Variants in XKR5 observed in about 807,000 individuals in gnomAD.
XKR5 encodes XK-related protein 5.
A neutral mutation model predicts 40.8 loss-of-function variants in XKR5; 46 were observed. That is an observed-to-expected ratio of 1.13 (90% CI 0.89 to 1.44). The LOEUF (loss-of-function observed/expected upper bound fraction) is 1.44. Among genes scored for constraint, XKR5 ranks in the 40% most tolerant of loss-of-function variants. The probability of loss-of-function intolerance (pLI) is 0.00; values close to 1 mark genes in which losing one functional copy is unlikely to be tolerated. For synonymous variants in XKR5, 466 were observed against 356.1 expected (o/e 1.31, Z -3.48); for missense variants, 1,169 against 844.7 (o/e 1.38, Z -4.76).
chr8:6,819,314 A>T (rs980120542), intron 5 of XKR5, among the ~76,000 whole-genome samples: 3 of 152,202 alleles, frequency 2.0e-5, no homozygotes, highest in Non-Finnish European at 4.4e-5. Flanking sequence ...CGCAGAAGGT[A>T]ATGCTTTCGG....
chr8:6,818,115 A>G (rs1554526054), intron 5 of XKR5, among the ~76,000 whole-genome samples: 1 of 152,160 alleles, frequency 6.6e-6, no homozygotes, highest in Non-Finnish European at 1.5e-5. Flanking sequence ...CACTCAGTGC[A>G]ATCTGTTTTC....
At chr8:6,833,051 C>A (rs557660697) in intron 1 of XKR5, among the ~76,000 whole-genome samples, 151 bp from the exon 2 acceptor site, 19 of 152,284 alleles carry the variant, frequency 1.2e-4, no homozygotes, top group African/African-American at 4.6e-4. Flanking sequence ...CCTCCCAAGG[C>A]TAGCAATTAT....
In XKR5 at chr8:6,812,312, C is replaced by T. The variant is rs753881093; in HGVS notation, c.947G>A (p.Ser316Asn). 2 of 1,551,198 alleles carry T rather than the reference C, an allele frequency of 1.3e-6. No individual in the cohort carries two copies. Among genetic ancestry groups the T allele is most frequent in the Non-Finnish European group, 1.7e-6 (2 of 1,146,656 alleles). Reference sequence around the variant, plus strand: ...GTCTGTGGATTTTGGATGCAGCAGGCTGTAATAAATTACCAGTGAGACACT... The same window carrying T: ...GTCTGTGGATTTTGGATGCAGCAGGTTGTAATAAATTACCAGTGAGACACT... ...IGSVSLVIYY[S>N]LLHPKSTDIW... is the part of the protein sequence containing the mutation. Residue 316 changes from serine to asparagine, a missense_variant, in exon 7 of 7, where the codon AGC becomes AAC. Transcript: ENST00000618742.
At chr8:6,814,753 A>G (rs17078209) in intron 6 of XKR5, among the ~76,000 whole-genome samples, 6,609 of 152,270 alleles carry the variant, frequency 0.043, 481 homozygotes, top group African/African-American at 0.15. Flanking sequence ...CATGAAGAAG[A>G]ACAGAGCTGA....
chr8:6,821,848 A>G (rs1804243816), intron 5 of XKR5, 21 bp downstream of exon 5: 1 of 1,609,278 alleles, frequency 6.2e-7, no homozygotes, highest in Non-Finnish European at 8.5e-7. Flanking sequence ...AAAAGTTAGG[A>G]TAAAGAAAAG....
At chr8:6,832,457 T>C (rs1345719820) in intron 2 of XKR5, among the ~76,000 whole-genome samples, 1 of 152,146 alleles carries the variant, frequency 6.6e-6, no homozygotes, top group Admixed American at 6.5e-5. Flanking sequence ...AAGACAGGGC[T>C]TCATCTGAAG....
chr8:6,811,070 G>T lies in XKR5; in HGVS notation c.*128C>A. 2 of 964,088 alleles carry T rather than the reference G, an allele frequency of 2.1e-6. No homozygotes were observed. Among genetic ancestry groups the T allele is most frequent in the Non-Finnish European group, 3.0e-6 (2 of 671,234 alleles). The allele number at this position is 964,088 out of a possible 1,614,324, so 59.7% of individuals were successfully genotyped here. On this transcript the variant is annotated 3_prime_UTR_variant, in exon 7 of 7. Coordinates refer to ENST00000618742, the MANE Select transcript of XKR5 (RefSeq NM_207411.5). ...TGTTTCTTCATTTTTCAGGGATGCA[G>T]ATGGAGATTCAGAGGTGACAGTGAT...
Position 6,823,680 on chromosome 8 carries a change from A to G in XKR5, c.478T>C (p.Tyr160His). ...TTCATGAAGCCCATGAAGCGAGTGT[A>G]GGACACCAGTGCCCAGGAGAGTGAG... is the stretch of plus-strand genomic sequence containing the variant. ...WSSLSWALVS[Y>H]TRFMGFMKPG... Residue 160 changes from tyrosine to histidine, a missense_variant, in exon 4 of 7, where the codon TAC becomes CAC. Tyr to His is a moderately conservative substitution (Grantham distance 83). Transcript: ENST00000618742. 6.3e-7 allele frequency: 1 copy of G among 1,591,454 alleles called. No individual in the cohort carries two copies. The highest frequency in any genetic ancestry group is 8.6e-7 in the Non-Finnish European group (1 of 1,168,986).
At chr8:6,813,147 C>T (rs1229966544) in intron 6 of XKR5, among the ~76,000 whole-genome samples, 1 of 152,182 alleles carries the variant, frequency 6.6e-6, no homozygotes, top group Non-Finnish European at 1.5e-5. Flanking sequence ...AGGACATCCC[C>T]AGCCCCAAAT....
chr8:6,817,079 A>G (rs1433662641), intron 5 of XKR5, among the ~76,000 whole-genome samples: 1 of 151,098 alleles, frequency 6.6e-6, no homozygotes, highest in African/African-American at 2.4e-5. Context: ...GTTTGTCCCA[A>G]CTCCGTCACC....
At position 6,815,671 on chromosome 8, in the gene XKR5, C is replaced by A. The variant is rs1281153082; in HGVS notation, c.919+136G>T. ...CTCTGATGGGCATGGCTCTGCCCCC[C>A]ACATCGCAGTGAGCCTGGTTCCTTG... On this transcript the variant is annotated intron_variant, in intron 6 of 6. Coordinates refer to ENST00000618742, the MANE Select transcript of XKR5 (RefSeq NM_207411.5). The A allele has an allele frequency of 8.0e-6, 5 of 621,942 alleles. No individual in the cohort carries two copies. In the East Asian group the frequency reaches 8.6e-5, roughly 11 times the overall value. 38.5% of individuals were successfully genotyped at this position (621,942 alleles called of 1,614,324 possible). A position where few individuals can be genotyped will look rare whatever the true frequency, so the allele number is the denominator to read the frequency against.
At chr8:6,817,046 G>A (rs1803990617) in intron 5 of XKR5, among the ~76,000 whole-genome samples, 1 of 152,124 alleles carries the variant, frequency 6.6e-6, no homozygotes, top group African/African-American at 2.4e-5. Context: ...CAGCTGTGTG[G>A]TTCTGGTGGT....
chr8:6,827,687 G>A (rs1048756632), intron 2 of XKR5, among the ~76,000 whole-genome samples: 4 of 152,188 alleles, frequency 2.6e-5, no homozygotes, highest in East Asian at 3.8e-4. Context: ...CAAATCATTT[G>A]TTCCTGACAT....
intron 2 of XKR5, among the ~76,000 whole-genome samples, chr8:6,826,939 T>C (rs559131225): frequency 1.8e-4 from 28 of 152,250 alleles, no homozygotes; most frequent in Admixed American, 1.2e-3. Context: ...TCCGAGGCTC[T>C]CGGAAAAGGA....
chr8:6,811,661 C>T lies in XKR5; in HGVS notation c.1598G>A (p.Gly533Glu), dbSNP rs2117074456. The T allele has an allele frequency of 7.2e-6, 11 of 1,537,708 alleles. No homozygotes were observed. Among genetic ancestry groups the T allele is most frequent in the Non-Finnish European group, 9.6e-6 (11 of 1,147,032 alleles). The change falls in exon 7 of 7, where the codon GGA becomes GAA. Residue 533 changes from glycine to glutamate, a missense_variant. Physicochemically the swap from Gly to Glu is moderately conservative, Grantham distance 98 (BLOSUM62 -2). Coordinates refer to ENST00000618742, the MANE Select transcript of XKR5 (RefSeq NM_207411.5). ...QGKGTGGQQR[G>E]GEGQQSSTLY... Reference sequence around the variant, plus strand: ...CGTGGAACTCTGCTGTCCTTCCCCTCCTCTCTGCTGCCCACCTGTCCCCTT... The same window carrying T: ...CGTGGAACTCTGCTGTCCTTCCCCTTCTCTCTGCTGCCCACCTGTCCCCTT...
At chr8:6,827,376 C>A (rs2980956) in intron 2 of XKR5, among the ~76,000 whole-genome samples, 1 of 151,962 alleles carries the variant, frequency 6.6e-6, no homozygotes, top group African/African-American at 2.4e-5. Context: ...TGCAAAACTC[C>A]CTGTAGAGAC....
At position 6,832,790 on chromosome 8, in the gene XKR5, A is replaced by G; in HGVS notation, c.169T>C (p.Phe57Leu). Residue 57 changes from phenylalanine to leucine, a missense_variant, in exon 2 of 7, where the codon TTC becomes CTC. Transcript: ENST00000618742. ...FLVQALSYLW[F>L]RADGHPGHCS... ...TGCCCTGGATGCCCGTCTGCTCGGA[A>G]CCACAGGTAGCTCAGGGCCTGGACC... 1 of 1,613,142 alleles carries G rather than the reference A, an allele frequency of 6.2e-7. No homozygotes were observed. Among genetic ancestry groups the G allele is most frequent in the South Asian group, 1.1e-5 (1 of 90,820 alleles).
At position 6,811,373 on chromosome 8, in the gene XKR5, G is replaced by A. The variant is rs780856511; in HGVS notation, c.1886C>T (p.Pro629Leu). ...RTLSISELEE[P>L]LEPKRELSHH... ...ACTTAGCTCCCTTTTGGGCTCCAGC[G>A]GCTCCTCTAGCTCTGAGATACTGAG... The change falls in exon 7 of 7, where the codon CCG becomes CTG. Residue 629 changes from proline (P) to leucine (L), a missense_variant. By Grantham distance (98) the Pro-to-Leu change is moderately conservative (BLOSUM62 -3). Transcript: ENST00000618742. The A allele has an allele frequency of 1.3e-4, 199 of 1,537,204 alleles. 1 individual carries two copies. Among genetic ancestry groups the A allele is most frequent in the Middle Eastern group, 5.0e-4 (3 of 6,012 alleles).
intron 6 of XKR5, 24 bp downstream of exon 6, chr8:6,815,783 G>A: frequency 6.6e-7 from 1 of 1,508,360 alleles, no homozygotes; most frequent in South Asian, 1.2e-5. Context: ...GGGATGCAGA[G>A]AAGAAGGTGA....
Sources: allele counts gnomAD v4.1 joint callset (sites outside exome capture counted in the v4.1 genomes callset), GRCh38; gene constraint gnomAD v4.1.1; transcripts MANE v1.5; gene names NCBI Gene and HGNC (gene_info 2026-07-23, HGNC 2026-07-21).